Variants in NXPH1 observed in about 807,000 individuals in gnomAD.
NXPH1 encodes the protein neurexophilin-1.
Under a neutral mutation model 23.7 loss-of-function variants are expected in NXPH1, and 5 were observed. The ratio of observed to expected loss-of-function variants is 0.21; its 90% CI spans 0.11 to 0.44. The LOEUF (loss-of-function observed/expected upper bound fraction) is 0.44, where lower values mean the gene tolerates loss of function less well. Ranked by LOEUF, NXPH1 falls within the 20% of genes least tolerant of loss-of-function variation. NXPH1 has a pLI of 0.99. For synonymous variants in NXPH1, 144 were observed against 122.2 expected (o/e 1.18, Z -1.18); for missense variants, 324 against 321.6 (o/e 1.01, Z -0.06).
At chr7:8,450,628 C>A (rs1816490709) in intron 2 of NXPH1, among the ~76,000 whole-genome samples, 1 of 152,244 alleles carries the variant, frequency 6.6e-6, no homozygotes, top group South Asian at 2.1e-4. Flanking sequence ...GGCTTCATTT[C>A]AGTCTTGTAC....
At chr7:8,718,059 C>T (rs1021133520) in intron 2 of NXPH1, among the ~76,000 whole-genome samples, 6 of 151,938 alleles carry the variant, frequency 3.9e-5, no homozygotes, top group Non-Finnish European at 7.4e-5. Context: ...TACAATACTT[C>T]TTTAGTTGCT....
At chr7:8,604,705 A>G (rs1235203739) in intron 2 of NXPH1, among the ~76,000 whole-genome samples, 1 of 152,164 alleles carries the variant, frequency 6.6e-6, no homozygotes, top group African/African-American at 2.4e-5. Context: ...ATTTTCTAAA[A>G]CAAGATATTA....
chr7:8,637,729 A>T, intron 2 of NXPH1, among the ~76,000 whole-genome samples: 1 of 152,262 alleles, frequency 6.6e-6, no homozygotes, highest in South Asian at 2.1e-4. Context: ...CTCACAATAC[A>T]ATACATGCTC....
chr7:8,729,002 T>G (rs1780104014), intron 2 of NXPH1, among the ~76,000 whole-genome samples: 1 of 151,660 alleles, frequency 6.6e-6, no homozygotes, highest in Admixed American at 6.6e-5. Context: ...TATTGATTAT[T>G]GCCACAATTT....
intron 2 of NXPH1, among the ~76,000 whole-genome samples, chr7:8,662,635 CT>C (rs1237701790): frequency 2.6e-5 from 4 of 151,796 alleles, no homozygotes; most frequent in Admixed American, 2.6e-4. Flanking sequence ...ATTGCATTAC[CT>C]TTATGCAAAT....
intron 2 of NXPH1, among the ~76,000 whole-genome samples, chr7:8,725,774 GGA>G (rs1780041460): frequency 6.6e-6 from 1 of 151,806 alleles, no homozygotes; most frequent in South Asian, 2.1e-4. Context: ...ATAGGAGTGT[GGA>G]GAGGCTCTAT....
intron 2 of NXPH1, among the ~76,000 whole-genome samples, chr7:8,487,570 T>C (rs915311775): frequency 1.2e-4 from 18 of 152,162 alleles, no homozygotes; most frequent in African/African-American, 4.1e-4. Context: ...GCTTCTCTCT[T>C]GTCCTTCCAT....
intron 2 of NXPH1, among the ~76,000 whole-genome samples, chr7:8,579,886 G>A (rs949985234): frequency 2.6e-4 from 39 of 152,276 alleles, no homozygotes; most frequent in African/African-American, 8.7e-4. Context: ...TCATCTAGAA[G>A]CGGGTCAGGC....
At chr7:8,529,231 G>A (rs1817912918) in intron 2 of NXPH1, among the ~76,000 whole-genome samples, 1 of 152,224 alleles carries the variant, frequency 6.6e-6, no homozygotes, top group African/African-American at 2.4e-5. Context: ...ATAATCTACA[G>A]TAATATCTAT....
intron 2 of NXPH1, among the ~76,000 whole-genome samples, chr7:8,637,808 G>A (rs10486243): frequency 0.33 from 50,200 of 151,938 alleles, 8,782 homozygotes; most frequent in African/African-American, 0.44. Flanking sequence ...TTTAAGTCAG[G>A]AAATAAATAA....
At chr7:8,629,900 C>G (rs372083967) in intron 2 of NXPH1, among the ~76,000 whole-genome samples, 3 of 152,052 alleles carry the variant, frequency 2.0e-5, no homozygotes, top group Non-Finnish European at 1.5e-5. Context: ...GTCCTACAAC[C>G]TTTTGCCTCT....
At chr7:8,523,506 C>T (rs1817809741) in intron 2 of NXPH1, among the ~76,000 whole-genome samples, 2 of 152,020 alleles carry the variant, frequency 1.3e-5, no homozygotes, top group African/African-American at 2.4e-5. Context: ...AAACTGTGTC[C>T]CAAGGAACAC....
chr7:8,721,716 T>G (rs964462988), intron 2 of NXPH1, among the ~76,000 whole-genome samples: 1 of 152,184 alleles, frequency 6.6e-6, no homozygotes, highest in Non-Finnish European at 1.5e-5. Context: ...AGGCGGAGCT[T>G]GCAGTGAGCT....
intron 2 of NXPH1, among the ~76,000 whole-genome samples, chr7:8,561,948 A>G (rs907378816): frequency 1.8e-4 from 27 of 151,764 alleles, no homozygotes; most frequent in Non-Finnish European, 3.7e-4. Flanking sequence ...ATATACATAT[A>G]CATAGTGAAA....
chr7:8,738,114 A>G (rs1343280780), intron 2 of NXPH1, among the ~76,000 whole-genome samples: 3 of 152,004 alleles, frequency 2.0e-5, no homozygotes, highest in Admixed American at 1.3e-4. Flanking sequence ...ACTATTACCA[A>G]CCTTCTGAAG....
intron 2 of NXPH1, among the ~76,000 whole-genome samples, chr7:8,587,613 C>G (rs1317234112): frequency 6.6e-6 from 1 of 152,082 alleles, no homozygotes; most frequent in Non-Finnish European, 1.5e-5. Flanking sequence ...TTGGGTATTT[C>G]TCCTAATGAT....
chr7:8,592,846 G>A (rs1050056384), intron 2 of NXPH1, among the ~76,000 whole-genome samples: 1 of 133,786 alleles, frequency 7.5e-6, no homozygotes, highest in Admixed American at 7.4e-5. Flanking sequence ...TTTTTTAAAT[G>A]TTCCAACCAT....
chr7:8,493,840 T>G (rs1472800289), intron 2 of NXPH1, among the ~76,000 whole-genome samples: 3 of 152,002 alleles, frequency 2.0e-5, no homozygotes, highest in African/African-American at 7.2e-5. Flanking sequence ...GCTCTTTCTC[T>G]CTCGGTCTCA....
chr7:8,452,256 C>T (rs941507057), intron 2 of NXPH1, among the ~76,000 whole-genome samples: 3 of 152,130 alleles, frequency 2.0e-5, no homozygotes, highest in African/African-American at 4.8e-5. Context: ...TCTAACAATC[C>T]AATAACCGAA....
Sources: gnomAD v4.1 joint callset for allele counts (sites outside exome capture counted in the v4.1 genomes callset) on GRCh38, gnomAD v4.1.1 for gene constraint, MANE v1.5 for transcripts, NCBI Gene and HGNC (gene_info 2026-07-23, HGNC 2026-07-21) for gene names.